FRAS1: variants seen among roughly 807,000 people sequenced by gnomAD.
The protein encoded by FRAS1 is Fraser extracellular matrix complex subunit 1.
FRAS1 carries 290 observed loss-of-function variants against 435.2 expected under a neutral mutation model. The ratio of observed to expected loss-of-function variants is 0.67; its 90% CI spans 0.61 to 0.73. The LOEUF is 0.73. FRAS1 is among the 30% of genes least tolerant of loss of function. The pLI, the probability that FRAS1 is intolerant of heterozygous loss-of-function variation, is 0.00. For missense variants in FRAS1, 4,860 were observed against 5,001.5 expected (o/e 0.97, Z 0.85); for synonymous variants, 1,800 against 1,851.0 (o/e 0.97, Z 0.71).
intron 14 of FRAS1, among the ~76,000 whole-genome samples, chr4:78,297,753 T>G (rs1052863079): frequency 2.0e-5 from 3 of 152,170 alleles, no homozygotes; most frequent in African/African-American, 7.2e-5. Flanking sequence ...AAGCCCTGTG[T>G]GATCTGAAAT....
At position 78,412,996 on chromosome 4, in the gene FRAS1, C is replaced by T. The variant is rs775289665; in HGVS notation, c.4336C>T (p.Arg1446Cys). Residue 1446 changes from arginine (R) to cysteine (C), a missense_variant, in exon 32 of 74, where the codon CGC becomes TGC. Coordinates refer to ENST00000512123, the MANE Select transcript of FRAS1 (RefSeq NM_025074.7). ...GTCCAGTGCCTCCAATGCCCAGACC[C>T]GCCTGGAGAGCCACATGTTCAACAT... ...EVSSASNAQT[R>C]LESHMFNIAI... 3.2e-5 allele frequency: 51 copies of T among 1,608,204 alleles called. No individual in the cohort carries two copies. Among genetic ancestry groups the T allele is most frequent in the Non-Finnish European group, 4.1e-5 (48 of 1,177,620 alleles).
At chr4:78,155,947 A>C (rs1720864576) in intron 2 of FRAS1, among the ~76,000 whole-genome samples, 1 of 151,566 alleles carries the variant, frequency 6.6e-6, no homozygotes, top group African/African-American at 2.4e-5. Context: ...GTTGCCAAGC[A>C]GCTAGAGTTA....
intron 15 of FRAS1, among the ~76,000 whole-genome samples, chr4:78,314,868 CA>C (rs1475100231): frequency 1.3e-5 from 2 of 150,980 alleles, no homozygotes; most frequent in African/African-American, 5.0e-5. Context: ...CCCACCCTCA[CA>C]TTTTTTTTTG....
rs565090505 is a variant in FRAS1 at position 78,185,680 on chromosome 4, T to A, written c.109-51830T>A. On this transcript the variant is annotated intron_variant, in intron 2 of 73. Coordinates refer to ENST00000512123, the MANE Select transcript of FRAS1 (RefSeq NM_025074.7). ...AGAACATGCAGTATTTTGGTTAGCA[T>A]GTAAAAATATCTATACTTGATGCAG... 7.9e-5 allele frequency among the ~76,000 whole-genome samples: 12 copies of A among 152,360 alleles called. No homozygotes were observed. The East Asian group carries it at 2.3e-3, about 29-fold the overall frequency.
chr4:78,390,871 T>A (rs1370080411), intron 29 of FRAS1, among the ~76,000 whole-genome samples: 3 of 152,222 alleles, frequency 2.0e-5, no homozygotes, highest in Admixed American at 2.0e-4. Flanking sequence ...TGTGTTTAAT[T>A]CCTAGTGAAT....
intron 2 of FRAS1, among the ~76,000 whole-genome samples, chr4:78,200,870 A>AATATATATATAT (rs148259948): frequency 1.0e-4 from 14 of 139,710 alleles, no homozygotes; most frequent in East Asian, 4.0e-4. Flanking sequence ...GCATGCCTTG[A>AATATATATATAT]ATATATATAT....
chr4:78,140,841 A>G (rs970030755), intron 2 of FRAS1, among the ~76,000 whole-genome samples: 2 of 152,080 alleles, frequency 1.3e-5, no homozygotes, highest in African/African-American at 4.8e-5. Flanking sequence ...ATGAATTAAC[A>G]GCATTTTCAG....
At chr4:78,392,891 A>G (rs1408736808) in intron 29 of FRAS1, among the ~76,000 whole-genome samples, 1 of 152,004 alleles carries the variant, frequency 6.6e-6, no homozygotes, top group African/African-American at 2.4e-5. Context: ...AATGTAGAAA[A>G]GATGATATAT....
chr4:78,510,028 CTCTT>C (rs1401246524), intron 63 of FRAS1, among the ~76,000 whole-genome samples: 5 of 152,168 alleles, frequency 3.3e-5, no homozygotes, highest in Non-Finnish European at 5.9e-5. Context: ...CATACCCACT[CTCTT>C]TGGCACAGCT....
intron 29 of FRAS1, 70 bp from the exon 30 acceptor site, chr4:78,400,664 C>A: frequency 6.9e-7 from 1 of 1,447,838 alleles, no homozygotes; most frequent in Non-Finnish European, 9.4e-7. Context: ...AACTGGATAA[C>A]TTATGTGTTT....
At chr4:78,479,866 T>G (rs1719959589) in intron 56 of FRAS1, 148 bp downstream of exon 56, 1 of 542,408 alleles carries the variant, frequency 1.8e-6, no homozygotes, top group Admixed American at 3.6e-5. Flanking sequence ...TATATAATGC[T>G]TGGCCAAGAC....
intron 22 of FRAS1, 63 bp from the exon 23 acceptor site, chr4:78,369,775 T>C: frequency 6.7e-7 from 1 of 1,481,662 alleles, no homozygotes; most frequent in South Asian, 1.4e-5. Context: ...TGTCTAGGTT[T>C]GATCAGTGCT....
intron 41 of FRAS1, among the ~76,000 whole-genome samples, 171 bp from the exon 42 acceptor site, chr4:78,445,351 A>AT (rs1718768503): frequency 6.6e-6 from 1 of 152,190 alleles, no homozygotes; most frequent in Non-Finnish European, 1.5e-5. Flanking sequence ...GAGGAAACGG[A>AT]TCTGACCCAG....
chr4:78,217,618 C>T (rs1723825292), intron 2 of FRAS1, among the ~76,000 whole-genome samples: 1 of 152,052 alleles, frequency 6.6e-6, no homozygotes, highest in African/African-American at 2.4e-5. Context: ...TTTGTTAGCT[C>T]TTAAGTCACT....
At chr4:78,246,757 AC>A (rs1725267372) in intron 4 of FRAS1, among the ~76,000 whole-genome samples, 1 of 149,224 alleles carries the variant, frequency 6.7e-6, no homozygotes, top group East Asian at 2.0e-4. Context: ...GAAAAAAAAA[AC>A]CAGACATATC....
rs548480320 is a variant in FRAS1, at chr4:78,539,468, T to C, written c.11445+28T>C. On this transcript the variant is annotated intron_variant, in intron 73 of 73. Coordinates refer to ENST00000512123, the MANE Select transcript of FRAS1 (RefSeq NM_025074.7). ...GAGTTTGGTGAGAAGAACAGAAGCT[T>C]AAGACCAAGTCTACTTTAAAGCTTG... is the stretch of plus-strand genomic sequence containing the variant. The C allele has an allele frequency of 6.0e-5, 91 of 1,526,892 alleles. 1 individual carries two copies. Among genetic ancestry groups the C allele is most frequent in the Admixed American group, 1.5e-4 (7 of 46,754 alleles). The allele number at this position is 1,526,892 out of a possible 1,614,324, so 94.6% of individuals were successfully genotyped here. A position where few individuals can be genotyped will look rare whatever the true frequency, so the allele number is the denominator to read the frequency against.
intron 9 of FRAS1, among the ~76,000 whole-genome samples, chr4:78,275,640 G>T (rs138275430): frequency 0.014 from 2,143 of 152,172 alleles, 59 homozygotes; most frequent in African/African-American, 0.049. Context: ...TTGAAAATTG[G>T]CCCCCACTCT....
intron 41 of FRAS1, among the ~76,000 whole-genome samples, chr4:78,443,131 T>C (rs867245141): frequency 1.2e-4 from 18 of 152,282 alleles, no homozygotes; most frequent in African/African-American, 4.3e-4. Flanking sequence ...GGAGGATCGC[T>C]TGAGTCCATG....
chr4:78,358,052 G>A (rs438511), intron 20 of FRAS1, among the ~76,000 whole-genome samples: 9,889 of 152,150 alleles, frequency 0.065, 603 homozygotes, highest in African/African-American at 0.17. Flanking sequence ...CAGTGGATGA[G>A]GAAGGAACTC....
Sources: allele counts gnomAD v4.1 joint callset (sites outside exome capture counted in the v4.1 genomes callset), GRCh38; gene constraint gnomAD v4.1.1; transcripts MANE v1.5; gene names NCBI Gene and HGNC (gene_info 2026-07-23, HGNC 2026-07-21).